TPP2: variants seen among roughly 807,000 people sequenced by gnomAD.
TPP2 encodes tripeptidyl peptidase 2.
TPP2 carries 34 observed loss-of-function variants against 155.9 expected under a neutral mutation model. The ratio of observed to expected loss-of-function variants is 0.22; its 90% CI spans 0.17 to 0.29. The LOEUF (loss-of-function observed/expected upper bound fraction) is 0.29, where lower values mean the gene tolerates loss of function less well. TPP2 is among the 10% of genes least tolerant of loss of function. The pLI, the probability that TPP2 is intolerant of heterozygous loss-of-function variation, is 1.00. For synonymous variants in TPP2, 510 were observed against 529.4 expected, an observed-to-expected ratio of 0.96 and a Z score of 0.50; for missense variants, 1,028 against 1,522.3, an observed-to-expected ratio of 0.68 and a Z score of 5.40.
At chr13:102,617,276 T>C (rs1880819149) in intron 4 of TPP2, among the ~76,000 whole-genome samples, 1 of 152,198 alleles carries the variant, frequency 6.6e-6, no homozygotes, top group Non-Finnish European at 1.5e-5. Context: ...ATACTTCATT[T>C]TTCAGTTAAT....
intron 27 of TPP2, among the ~76,000 whole-genome samples, chr13:102,669,915 G>A (rs2139607915): frequency 6.6e-6 from 1 of 152,232 alleles, no homozygotes; most frequent in South Asian, 2.1e-4. Context: ...CACACAGGGT[G>A]GGCTTGAGAG....
chr13:102,613,795 G>A (rs74112112), intron 2 of TPP2, among the ~76,000 whole-genome samples: 1,739 of 152,272 alleles, frequency 0.011, 23 homozygotes, highest in African/African-American at 0.039. Flanking sequence ...CTTTGAGATC[G>A]TTTAAAAGAT....
intron 25 of TPP2, among the ~76,000 whole-genome samples, chr13:102,658,213 A>G (rs1293509802): frequency 2.6e-5 from 4 of 152,104 alleles, no homozygotes; most frequent in South Asian, 4.1e-4. Flanking sequence ...CTGATATTCT[A>G]TGGGAATCCT....
chr13:102,626,822 GAT>G, intron 6 of TPP2, 188 bp from the exon 7 acceptor site: 3 of 385,018 alleles, frequency 7.8e-6, no homozygotes, highest in Non-Finnish European at 1.4e-5. Flanking sequence ...ATATATTCTG[GAT>G]ATAAAGCTCT....
At chr13:102,676,565 A>G (rs1885291763) in intron 29 of TPP2, 150 bp downstream of exon 29, 2 of 979,400 alleles carry the variant, frequency 2.0e-6, no homozygotes, top group Non-Finnish European at 2.9e-6. Context: ...ACTATAGAAT[A>G]AATATATGAG....
At chr13:102,615,297 G>A (rs538947043) in intron 3 of TPP2, among the ~76,000 whole-genome samples, 72 of 152,186 alleles carry the variant, frequency 4.7e-4, no homozygotes, top group African/African-American at 1.6e-3. Flanking sequence ...CTACAGGCAC[G>A]CACCACCACA....
chr13:102,605,772 A>G (rs958685980), intron 2 of TPP2, among the ~76,000 whole-genome samples: 1 of 145,804 alleles, frequency 6.9e-6, no homozygotes, highest in Admixed American at 7.0e-5. Context: ...TGCTCAGGCT[A>G]GAGTGCAGTG....
At chr13:102,629,013 G>A (rs1407481965) in intron 8 of TPP2, among the ~76,000 whole-genome samples, 1 of 151,986 alleles carries the variant, frequency 6.6e-6, no homozygotes, top group African/African-American at 2.4e-5. Flanking sequence ...TTTCTTGTTT[G>A]CTGTCAAGCT....
At chr13:102,602,165 G>T (rs979230111) in intron 1 of TPP2, among the ~76,000 whole-genome samples, 3 of 152,082 alleles carry the variant, frequency 2.0e-5, no homozygotes, top group Admixed American at 2.0e-4. Context: ...TTTAAAATAG[G>T]TGATTTTCTT....
chr13:102,668,708 G>C (rs1298455351), intron 27 of TPP2, among the ~76,000 whole-genome samples: 1 of 152,190 alleles, frequency 6.6e-6, no homozygotes, highest in Non-Finnish European at 1.5e-5. Context: ...GCGTGTAGCA[G>C]GTATGGGTTG....
chr13:102,643,462 A>G (rs1882899479), intron 17 of TPP2, 86 bp downstream of exon 17: 4 of 1,244,888 alleles, frequency 3.2e-6, no homozygotes, highest in Non-Finnish European at 4.2e-6. Flanking sequence ...ATTTGATTTT[A>G]TAGTTTGTAT....
intron 4 of TPP2, 121 bp downstream of exon 4, chr13:102,616,621 G>T: frequency 1.3e-6 from 1 of 759,786 alleles, no homozygotes; most frequent in Non-Finnish European, 1.9e-6. Context: ...CTTTTAAGTT[G>T]GTTAATTTTA....
chr13:102,608,266 A>G (rs1459351571), intron 2 of TPP2, among the ~76,000 whole-genome samples: 1 of 152,234 alleles, frequency 6.6e-6, no homozygotes, highest in Non-Finnish European at 1.5e-5. Context: ...AGTTTAAAAT[A>G]ACATGCTAAT....
chr13:102,651,690 T>C (rs1291635097), intron 24 of TPP2, among the ~76,000 whole-genome samples: 2 of 152,128 alleles, frequency 1.3e-5, no homozygotes, highest in African/African-American at 4.8e-5. Flanking sequence ...AGTAGCAATA[T>C]TTGAAATTTT....
chr13:102,613,048 A>G (rs1416325891), intron 2 of TPP2, among the ~76,000 whole-genome samples: 3 of 152,210 alleles, frequency 2.0e-5, no homozygotes, highest in African/African-American at 7.2e-5. Flanking sequence ...CAAAAACATT[A>G]AAGTTCAGAA....
intron 27 of TPP2, among the ~76,000 whole-genome samples, chr13:102,672,066 A>C (rs1885016250): frequency 6.6e-6 from 1 of 152,036 alleles, no homozygotes; most frequent in Admixed American, 6.6e-5. Flanking sequence ...ATTGTGATCC[A>C]TTGCAGCGTT....
chr13:102,662,576 C>A (rs1884305468), intron 25 of TPP2, among the ~76,000 whole-genome samples: 1 of 151,864 alleles, frequency 6.6e-6, no homozygotes, highest in South Asian at 2.1e-4. Flanking sequence ...GTTGATTTTG[C>A]CCTTGGATAA....
chr13:102,627,100 T>C lies in TPP2; in HGVS notation c.873T>C (p.Ile291=), dbSNP rs1291858306. 3.7e-6 allele frequency: 6 copies of C among 1,601,458 alleles called. No individual in the cohort carries two copies. The highest frequency in any genetic ancestry group is 4.3e-6 in the Non-Finnish European group (5 of 1,174,000). ...ERNGVAPGAQ[I]LSIKIGDTRL... The stretch of plus-strand genomic sequence containing the variant: ...ATGGGGTAGCTCCTGGTGCTCAAAT[T>C]CTTTCCATCAAGATTGGTGATACAA... Residue 291 remains isoleucine (I), a synonymous_variant, in exon 7 of 30, where the codon ATT becomes ATC. Transcript: ENST00000376052.
chr13:102,656,045 G>A (rs888879186), intron 24 of TPP2, among the ~76,000 whole-genome samples: 1 of 151,870 alleles, frequency 6.6e-6, no homozygotes, highest in African/African-American at 2.4e-5. Flanking sequence ...CCATTTCTGC[G>A]ACCCATTTTT....
Sources: allele counts gnomAD v4.1 joint callset (sites outside exome capture counted in the v4.1 genomes callset), GRCh38; gene constraint gnomAD v4.1.1; transcripts MANE v1.5; gene names NCBI Gene and HGNC (gene_info 2026-07-23, HGNC 2026-07-21).